Variants in GALNTL6 observed in about 807,000 individuals in gnomAD.
GALNTL6 encodes polypeptide N-acetylgalactosaminyltransferase like 6, also known as polypeptide N-acetylgalactosaminyltransferase-like 6.
A neutral mutation model predicts 73.7 loss-of-function variants in GALNTL6; 46 were observed. The ratio of observed to expected loss-of-function variants is 0.62; its 90% CI spans 0.49 to 0.80. GALNTL6 has a LOEUF of 0.80. Among genes scored for constraint, GALNTL6 ranks in the 30% least tolerant of loss-of-function variants. The probability of loss-of-function intolerance (pLI) is 0.00; values close to 1 mark genes in which losing one functional copy is unlikely to be tolerated. For missense variants in GALNTL6, 604 were observed against 755.0 expected, an observed-to-expected ratio of 0.80 and a Z score of 2.34; for synonymous variants, 259 against 263.7, an observed-to-expected ratio of 0.98 and a Z score of 0.17.
At chr4:172,336,906 G>T (rs770877210) in intron 4 of GALNTL6, among the ~76,000 whole-genome samples, 1 of 152,102 alleles carries the variant, frequency 6.6e-6, no homozygotes, top group Non-Finnish European at 1.5e-5. Context: ...GAGTAGATAT[G>T]TGTTTTATAA....
At chr4:171,946,104 G>A (rs917725285) in intron 2 of GALNTL6, among the ~76,000 whole-genome samples, 1 of 151,934 alleles carries the variant, frequency 6.6e-6, no homozygotes, top group African/African-American at 2.4e-5. Context: ...TAGCAAGCTG[G>A]GTATTGCCAA....
chr4:172,102,110 G>T (rs908534516), intron 2 of GALNTL6, among the ~76,000 whole-genome samples: 1 of 152,088 alleles, frequency 6.6e-6, no homozygotes. Flanking sequence ...TGAAAACTTC[G>T]GTTGTAAGCA....
chr4:172,484,242 T>C (rs1319307281), intron 5 of GALNTL6, among the ~76,000 whole-genome samples: 1 of 152,210 alleles, frequency 6.6e-6, no homozygotes, highest in Non-Finnish European at 1.5e-5. Flanking sequence ...CTGTATTAGA[T>C]CCACAAATAT....
chr4:172,156,673 T>C (rs1220730881), intron 2 of GALNTL6, among the ~76,000 whole-genome samples: 1 of 150,886 alleles, frequency 6.6e-6, no homozygotes, highest in Non-Finnish European at 1.5e-5. Context: ...TAGGCAATTA[T>C]TTGTATCTTC....
intron 10 of GALNTL6, among the ~76,000 whole-genome samples, chr4:172,971,118 ATAAAAGAATGAGT>A (rs1344608028): frequency 2.6e-5 from 4 of 152,160 alleles, no homozygotes; most frequent in Non-Finnish European, 4.4e-5. Flanking sequence ...CAAGCTTCTA[ATAAAAGAATGAGT>A]TTGGCTCCCT....
At chr4:172,987,994 A>G (rs1046912997) in intron 10 of GALNTL6, among the ~76,000 whole-genome samples, 4 of 152,214 alleles carry the variant, frequency 2.6e-5, no homozygotes, top group Admixed American at 2.0e-4. Context: ...ATGGACTAAT[A>G]CAGAAAATTA....
intron 5 of GALNTL6, among the ~76,000 whole-genome samples, chr4:172,468,496 C>T (rs1281178963): frequency 1.3e-5 from 2 of 151,984 alleles, no homozygotes; most frequent in African/African-American, 4.8e-5. Flanking sequence ...AGTAAATTGT[C>T]CTTCCTGTAA....
rs550989439 is a variant in GALNTL6, at chr4:172,821,432, G to A, written c.923+7709G>A. Among the ~76,000 whole-genome samples, 22 of 152,220 alleles carry A rather than the reference G, an allele frequency of 1.4e-4. No homozygotes were observed. In the South Asian group the frequency reaches 3.5e-3, roughly 24 times the overall value. ...CCTTGTAAGAGAAACTTAGGCACCCGCTAAGTGAAGTAGTTTTGTCAATTA... is the reference window on the plus strand; with the variant it reads ...CCTTGTAAGAGAAACTTAGGCACCCACTAAGTGAAGTAGTTTTGTCAATTA... On this transcript the variant is annotated intron_variant, in intron 7 of 12. Coordinates refer to ENST00000506823, the MANE Select transcript of GALNTL6 (RefSeq NM_001034845.3).
intron 5 of GALNTL6, among the ~76,000 whole-genome samples, chr4:172,496,592 G>A (rs924325843): frequency 5.9e-5 from 9 of 152,068 alleles, no homozygotes; most frequent in African/African-American, 2.2e-4. Context: ...CTGAGGTGGG[G>A]GGATCACTTG....
At chr4:172,439,983 G>T (rs912200178) in intron 5 of GALNTL6, among the ~76,000 whole-genome samples, 1 of 151,970 alleles carries the variant, frequency 6.6e-6, no homozygotes, top group Admixed American at 6.6e-5. Flanking sequence ...TATGTTCTAT[G>T]GCAGAACACT....
intron 4 of GALNTL6, among the ~76,000 whole-genome samples, chr4:172,341,372 A>C: frequency 2.1e-5 from 3 of 143,398 alleles, no homozygotes; most frequent in East Asian, 2.1e-4. Context: ...AATGGCGTGA[A>C]CCCGGGAGGC....
intron 2 of GALNTL6, among the ~76,000 whole-genome samples, chr4:171,953,781 C>T (rs1189316826): frequency 6.6e-6 from 1 of 151,992 alleles, no homozygotes; most frequent in Non-Finnish European, 1.5e-5. Context: ...TTATATTCCA[C>T]AGATAATTGA....
At chr4:172,330,244 T>C (rs1377372010) in intron 4 of GALNTL6, among the ~76,000 whole-genome samples, 1 of 152,230 alleles carries the variant, frequency 6.6e-6, no homozygotes, top group Non-Finnish European at 1.5e-5. Context: ...GAGCGGCCAC[T>C]AAGCCAAGAC....
chr4:172,338,539 TCACCC>T (rs1741428781), intron 4 of GALNTL6, among the ~76,000 whole-genome samples: 1 of 152,166 alleles, frequency 6.6e-6, no homozygotes, highest in Non-Finnish European at 1.5e-5. Context: ...CTTTGTTTCT[TCACCC>T]AACTTCTGTT....
chr4:172,102,617 A>G (rs1442596758), intron 2 of GALNTL6, among the ~76,000 whole-genome samples: 1 of 152,222 alleles, frequency 6.6e-6, no homozygotes, highest in Non-Finnish European at 1.5e-5. Flanking sequence ...TGAGCTGCAG[A>G]CAGAGCTGAG....
intron 2 of GALNTL6, among the ~76,000 whole-genome samples, chr4:172,134,316 C>T (rs986588003): frequency 6.6e-5 from 10 of 150,868 alleles, no homozygotes; most frequent in Admixed American, 2.6e-4. Flanking sequence ...ACCTGGGAGG[C>T]GGAGTTTGCA....
chr4:171,863,349 T>A (rs1395743362), intron 2 of GALNTL6, among the ~76,000 whole-genome samples: 2 of 152,222 alleles, frequency 1.3e-5, no homozygotes, highest in African/African-American at 4.8e-5. Flanking sequence ...ACTATATGGT[T>A]TTCTATTATT....
At chr4:172,749,687 G>A (rs1434257521) in intron 5 of GALNTL6, among the ~76,000 whole-genome samples, 1 of 151,214 alleles carries the variant, frequency 6.6e-6, no homozygotes, top group African/African-American at 2.4e-5. Context: ...ATATTATTAA[G>A]GTCTAGGGTG....
At chr4:172,566,276 T>C (rs1322162738) in intron 5 of GALNTL6, among the ~76,000 whole-genome samples, 1 of 152,038 alleles carries the variant, frequency 6.6e-6, no homozygotes, top group Non-Finnish European at 1.5e-5. Flanking sequence ...TTATCCAAGA[T>C]AGATATTCTC....
Sources: gnomAD v4.1 joint callset for allele counts (sites outside exome capture counted in the v4.1 genomes callset) on GRCh38, gnomAD v4.1.1 for gene constraint, MANE v1.5 for transcripts, NCBI Gene and HGNC (gene_info 2026-07-23, HGNC 2026-07-21) for gene names.